Variants in FGD1 observed in about 807,000 individuals in gnomAD.
FGD1 encodes the protein FYVE, RhoGEF and PH domain-containing protein 1.
In FGD1, 12 loss-of-function variants were observed where a neutral mutation model predicts 65.0. That is an observed-to-expected ratio of 0.18 (90% CI 0.12 to 0.30). The LOEUF is 0.30. Ranked by LOEUF, FGD1 falls within the 10% of genes least tolerant of loss-of-function variation. The pLI is 1.00. For synonymous variants in FGD1, 333 were observed against 343.9 expected (o/e 0.97, Z 0.35); for missense variants, 542 against 837.6 (o/e 0.65, Z 4.36).
At chrX:54,474,977 C>A (rs2147438085) in intron 1 of FGD1, among the ~76,000 whole-genome samples, 1 of 112,399 alleles carries the variant, frequency 8.9e-6, no homozygotes. Flanking sequence ...TGTAGCAAAG[C>A]AGCAGGGTCC....
chrX:54,456,637 TG>T, intron 8 of FGD1, 70 bp from the exon 9 acceptor site: 6 of 920,138 alleles, frequency 6.5e-6, no homozygotes, highest in Non-Finnish European at 9.0e-6. Flanking sequence ...CTTTGTTTTT[TG>T]TTTTTTTTTT....
chrX:54,473,486 G>C (rs960183972), intron 1 of FGD1, among the ~76,000 whole-genome samples: 1 of 112,055 alleles, frequency 8.9e-6, no homozygotes, highest in Non-Finnish European at 1.9e-5. Context: ...CAGACATGTG[G>C]CATACAGGTG....
chrX:54,445,802 A>C lies in FGD1; in HGVS notation c.*307T>G. Reference sequence around the variant, plus strand: ...TTGTGGGGAACTGGGTGGAGGCAGGATCTGTGGTAGGGTATTGAGGGATGA... The same window carrying C: ...TTGTGGGGAACTGGGTGGAGGCAGGCTCTGTGGTAGGGTATTGAGGGATGA... On this transcript the variant is annotated 3_prime_UTR_variant, in exon 18 of 18. Transcript: ENST00000375135. The C allele has an allele frequency of 4.0e-6, 1 of 251,115 alleles. No homozygotes were observed. Among genetic ancestry groups the C allele is most frequent in the Non-Finnish European group, 6.9e-6 (1 of 144,589 alleles). 20.7% of individuals were successfully genotyped at this position (251,115 alleles called of 1,213,427 possible). A position where few individuals can be genotyped will look rare whatever the true frequency, so the allele number is the denominator to read the frequency against.
In FGD1 at chrX:54,456,538, C is replaced by T; in HGVS notation, c.1666G>A (p.Glu556Lys). The change falls in exon 9 of 18, where the codon GAG becomes AAG. Residue 556 changes from glutamate to lysine, a missense_variant. Physicochemically the swap from Glu to Lys is moderately conservative, Grantham distance 56. Coordinates refer to ENST00000375135, the MANE Select transcript of FGD1 (RefSeq NM_004463.3). The part of the protein sequence containing the change: ...KSLELIATAA[E>K]HSNAAIRKME... ...TTGCGGATGGCAGCATTCGAGTGCT[C>T]TGCTGCTGTGGCGATCAGCTCCAGA... 1 of 1,211,137 alleles carries T rather than the reference C, an allele frequency of 8.3e-7. No individual in the cohort carries two copies. Among genetic ancestry groups the T allele is most frequent in the Non-Finnish European group, 1.1e-6 (1 of 895,155 alleles).
intron 1 of FGD1, among the ~76,000 whole-genome samples, chrX:54,479,960 A>C (rs1490636046): frequency 1.8e-5 from 2 of 111,938 alleles, no homozygotes; most frequent in Non-Finnish European, 3.8e-5. Context: ...TGAAATGTGC[A>C]GAAGGAGCTG....
intron 1 of FGD1, among the ~76,000 whole-genome samples, chrX:54,487,489 A>T (rs1238554431): frequency 8.9e-6 from 1 of 112,783 alleles, no homozygotes; most frequent in African/African-American, 3.2e-5. Context: ...GCTCATGGAT[A>T]GGAAGACTCA....
intron 1 of FGD1, among the ~76,000 whole-genome samples, chrX:54,489,878 C>T (rs1309041375): frequency 8.9e-6 from 1 of 112,005 alleles, no homozygotes; most frequent in Non-Finnish European, 1.9e-5. Flanking sequence ...AAGACACATG[C>T]ATATGTATGT....
chrX:54,462,614 AC>A (rs1922662379), intron 8 of FGD1, among the ~76,000 whole-genome samples: 1 of 104,318 alleles, frequency 9.6e-6, no homozygotes, highest in Non-Finnish European at 2.0e-5. Context: ...CTGGTCTCAA[AC>A]TCCAGACCTC....
chrX:54,466,001 A>G, intron 6 of FGD1, 149 bp from the exon 7 acceptor site: 1 of 690,222 alleles, frequency 1.4e-6, no homozygotes, highest in Non-Finnish European at 2.2e-6. Context: ...AATGCTGCTT[A>G]CATTACAGGC....
intron 1 of FGD1, among the ~76,000 whole-genome samples, chrX:54,472,854 C>T (rs1328239137): frequency 9.0e-6 from 1 of 111,174 alleles, no homozygotes; most frequent in Non-Finnish European, 1.9e-5. Context: ...CCCGGAGGTA[C>T]CACCATCACA....
intron 1 of FGD1, among the ~76,000 whole-genome samples, chrX:54,475,225 G>A (rs775224139): frequency 8.9e-6 from 1 of 112,563 alleles, no homozygotes; most frequent in African/African-American, 3.2e-5. Flanking sequence ...GAGAGGAAAA[G>A]AGATTGTCAG....
chrX:54,489,635 T>C (rs1923372058), intron 1 of FGD1, among the ~76,000 whole-genome samples: 2 of 110,450 alleles, frequency 1.8e-5, no homozygotes, highest in Non-Finnish European at 3.8e-5. Context: ...AAAACCACAA[T>C]GAGATACCAT....
intron 8 of FGD1, among the ~76,000 whole-genome samples, chrX:54,459,983 T>A (rs1922589273): frequency 9.4e-6 from 1 of 106,654 alleles, no homozygotes; most frequent in Admixed American, 1.0e-4. Flanking sequence ...AAAAAAAAAA[T>A]AGGCCAGGCA....
intron 1 of FGD1, among the ~76,000 whole-genome samples, chrX:54,475,773 A>G (rs909098274): frequency 3.6e-5 from 4 of 112,423 alleles, no homozygotes; most frequent in Non-Finnish European, 7.5e-5. Flanking sequence ...GGAAAATAGA[A>G]ACTTCTCAGC....
At chrX:54,480,143 AAG>A (rs1923111467) in intron 1 of FGD1, among the ~76,000 whole-genome samples, 1 of 112,855 alleles carries the variant, frequency 8.9e-6, no homozygotes, top group South Asian at 3.6e-4. Flanking sequence ...GAGTTTCCTG[AAG>A]AGTGTTCCAT....
At position 54,446,047 on chromosome X, in the gene FGD1, C is replaced by T; in HGVS notation, c.*62G>A. On this transcript the variant is annotated 3_prime_UTR_variant, in exon 18 of 18. Transcript: ENST00000375135. The stretch of plus-strand genomic sequence containing the variant: ...TGAGCTGGGAGGGAAGGGGCTAGAG[C>T]CCCCAATCAGACATGGGCAACTAGA... The T allele has an allele frequency of 1.1e-6, 1 of 939,332 alleles. No homozygotes were observed. Among genetic ancestry groups the T allele is most frequent in the Non-Finnish European group, 1.5e-6 (1 of 671,754 alleles). The allele number at this position is 939,332 out of a possible 1,213,427, so 77.4% of individuals were successfully genotyped here. A position where few individuals can be genotyped will look rare whatever the true frequency, so the allele number is the denominator to read the frequency against.
At position 54,448,983 on chromosome X, in the gene FGD1, G is replaced by A; in HGVS notation, c.2275-16C>T. On this transcript the variant is annotated splice_polypyrimidine_tract_variant and intron_variant, in intron 15 of 17. Coordinates refer to ENST00000375135, the MANE Select transcript of FGD1 (RefSeq NM_004463.3). ...CACAAACCACCTGGGGTGGCAAGTG[G>A]GCAAGAGTAGCCTGATTCCAGCGGG... 2 of 1,207,709 alleles carry A rather than the reference G, an allele frequency of 1.7e-6. No individual in the cohort carries two copies. The highest frequency in any genetic ancestry group is 2.2e-6 in the Non-Finnish European group (2 of 893,175).
At chrX:54,454,242 C>T (rs1483360335) in intron 12 of FGD1, among the ~76,000 whole-genome samples, 1 of 111,938 alleles carries the variant, frequency 8.9e-6, no homozygotes, top group African/African-American at 3.2e-5. Context: ...CTATAAGGTA[C>T]AGCCTATGGC....
intron 1 of FGD1, among the ~76,000 whole-genome samples, chrX:54,489,278 T>C (rs941139744): frequency 8.9e-6 from 1 of 112,646 alleles, no homozygotes; most frequent in Admixed American, 9.4e-5. Flanking sequence ...CCGATAAGCA[T>C]ATGAAAAAAA....
Sources: allele counts gnomAD v4.1 joint callset (sites outside exome capture counted in the v4.1 genomes callset), GRCh38; gene constraint gnomAD v4.1.1; transcripts MANE v1.5; gene names NCBI Gene and HGNC (gene_info 2026-07-23, HGNC 2026-07-21).